Variants in DENND2C observed in about 807,000 individuals in gnomAD.
DENND2C encodes DENN domain-containing protein 2C.
DENND2C carries 72 observed loss-of-function variants against 112.4 expected under a neutral mutation model. That is an observed-to-expected ratio of 0.64 (90% CI 0.53 to 0.78). The LOEUF (loss-of-function observed/expected upper bound fraction) is 0.78, where lower values mean the gene tolerates loss of function less well. Ranked by LOEUF, DENND2C falls within the 30% of genes least tolerant of loss-of-function variation. The pLI is 0.00. For missense variants in DENND2C, 992 were observed against 1,113.8 expected (o/e 0.89, Z 1.56); for synonymous variants, 329 against 381.6 (o/e 0.86, Z 1.61).
chr1:114,624,988 T>C (rs1656289698), intron 4 of DENND2C, among the ~76,000 whole-genome samples, 191 bp downstream of exon 4: 1 of 152,226 alleles, frequency 6.6e-6, no homozygotes, highest in Non-Finnish European at 1.5e-5. Flanking sequence ...GTCAACAGAT[T>C]ATCTTAGCTA....
intron 5 of DENND2C, 64 bp from the exon 6 acceptor site, chr1:114,623,163 G>A: frequency 1.4e-6 from 2 of 1,457,234 alleles, no homozygotes; most frequent in African/African-American, 2.9e-5. Context: ...AACCACAGCT[G>A]GCAAAAGAAA....
At chr1:114,652,681 T>C (rs1439055101) in intron 2 of DENND2C, among the ~76,000 whole-genome samples, 6 of 129,712 alleles carry the variant, frequency 4.6e-5, no homozygotes, top group Non-Finnish European at 1.0e-4. Context: ...TTTTTTTTTT[T>C]TTTTTTAAAG....
chr1:114,662,706 C>A (rs930034013), intron 1 of DENND2C, among the ~76,000 whole-genome samples: 4 of 152,128 alleles, frequency 2.6e-5, no homozygotes, highest in Admixed American at 6.5e-5. Context: ...CTTCGTACCC[C>A]CAGCGCTTTG....
In DENND2C at chr1:114,584,007, C is replaced by G. The variant is rs1256838422; in HGVS notation, c.*1593G>C. The G allele has an allele frequency of 6.6e-6, 1 of 152,060 alleles. No homozygotes were observed. Among genetic ancestry groups the G allele is most frequent in the Admixed American group, 6.6e-5 (1 of 15,254 alleles). 9.4% of individuals were successfully genotyped at this position (152,060 alleles called of 1,614,324 possible). A position where few individuals can be genotyped will look rare whatever the true frequency, so the allele number is the denominator to read the frequency against. On this transcript the variant is annotated 3_prime_UTR_variant, in exon 21 of 21. Transcript: ENST00000393274. Reference sequence around the variant, plus strand: ...TCTAATTTAATTAGAGCAAAAATTTCAACATTTCTAGGGGAATAAAAAGAG... The same window carrying G: ...TCTAATTTAATTAGAGCAAAAATTTGAACATTTCTAGGGGAATAAAAAGAG...
In DENND2C at chr1:114,608,710, C is replaced by T. The variant is rs954602473; in HGVS notation, c.1533G>A (p.Gln511=). 69 of 1,613,882 alleles carry T rather than the reference C, an allele frequency of 4.3e-5. No individual in the cohort carries two copies. Among genetic ancestry groups the T allele is most frequent in the Non-Finnish European group, 5.3e-5 (63 of 1,179,982 alleles). The change falls in exon 10 of 21, where the codon CAG becomes CAA. Residue 511 remains glutamine (Q), a synonymous_variant. Coordinates refer to ENST00000393274, the MANE Select transcript of DENND2C (RefSeq NM_001256404.2). ...CCTTGCCAGGGAATTGTTGTATGAC[C>T]TGGGGAATATAGCTTATTCCTGATG... is the stretch of plus-strand genomic sequence containing the variant. ...KKPSGISYIP[Q]VIQQFPGKDD...
At chr1:114,654,073 T>C (rs997087565) in intron 2 of DENND2C, among the ~76,000 whole-genome samples, 2 of 152,200 alleles carry the variant, frequency 1.3e-5, no homozygotes, top group African/African-American at 2.4e-5. Flanking sequence ...AAGCTAACAA[T>C]GATTATCTCT....
chr1:114,625,489 A>C lies in DENND2C; in HGVS notation c.496T>G (p.Leu166Val). The C allele has an allele frequency of 3.7e-6, 6 of 1,614,114 alleles. No homozygotes were observed. Among genetic ancestry groups the C allele is most frequent in the Non-Finnish European group, 5.1e-6 (6 of 1,180,006 alleles). ...LPPDKLLNLALEHCDSSEKEL... is the reference protein window; with the variant it reads ...LPPDKLLNLAVEHCDSSEKEL... ...TTTTCTGAAGAGTCACAATGTTCTA[A>C]AGCCAAATTTAAGAGTTTATCTGGG... Residue 166 changes from leucine (L) to valine (V), a missense_variant, in exon 4 of 21, where the codon TTA (leucine) becomes GTA (valine). Physicochemically the swap from Leu to Val is conservative, Grantham distance 32. Transcript: ENST00000393274.
intron 1 of DENND2C, among the ~76,000 whole-genome samples, chr1:114,657,751 C>T (rs141711272): frequency 2.6e-5 from 4 of 152,166 alleles, no homozygotes; most frequent in South Asian, 2.1e-4. Flanking sequence ...TCCAAATAGA[C>T]GAATAGACAA....
intron 18 of DENND2C, among the ~76,000 whole-genome samples, chr1:114,588,753 TAAAG>T (rs1313478818): frequency 6.6e-6 from 1 of 152,180 alleles, no homozygotes; most frequent in Non-Finnish European, 1.5e-5. Context: ...TTTTTTTAAA[TAAAG>T]ATTTTTTTTC....
At chr1:114,661,190 G>C (rs564103414) in intron 1 of DENND2C, among the ~76,000 whole-genome samples, 1 of 150,962 alleles carries the variant, frequency 6.6e-6, no homozygotes, top group Admixed American at 6.6e-5. Flanking sequence ...CAATATCAGC[G>C]ACCCCATCGA....
intron 18 of DENND2C, among the ~76,000 whole-genome samples, chr1:114,590,686 G>A (rs746816268): frequency 1.3e-5 from 2 of 150,304 alleles, no homozygotes; most frequent in African/African-American, 4.9e-5. Flanking sequence ...GCTGAGGCAG[G>A]AGAATGGTGT....
intron 9 of DENND2C, among the ~76,000 whole-genome samples, chr1:114,609,333 G>A (rs1364100824): frequency 6.6e-6 from 1 of 152,172 alleles, no homozygotes; most frequent in Non-Finnish European, 1.5e-5. Flanking sequence ...GTACAGAAAG[G>A]GGGAGTTTGA....
chr1:114,618,137 C>T (rs1448035671), intron 8 of DENND2C, among the ~76,000 whole-genome samples: 9 of 151,944 alleles, frequency 5.9e-5, no homozygotes, highest in South Asian at 4.2e-4. Context: ...TACAGGCGCC[C>T]GCCACCACGC....
At chr1:114,633,468 AG>A (rs1656554363) in intron 3 of DENND2C, among the ~76,000 whole-genome samples, 11 of 149,194 alleles carry the variant, frequency 7.4e-5, no homozygotes, top group African/African-American at 2.7e-4. Flanking sequence ...AAAAAGAAAA[AG>A]AAGGAAGGAA....
At chr1:114,666,298 TCAGC>T (rs540952881) in intron 1 of DENND2C, among the ~76,000 whole-genome samples, 195 of 152,262 alleles carry the variant, frequency 1.3e-3, no homozygotes, top group Non-Finnish European at 2.1e-3. Flanking sequence ...TTCATCCAAT[TCAGC>T]CTCCAAACCA....
In DENND2C at chr1:114,587,969, A is replaced by T. The variant is rs777114249; in HGVS notation, c.2432-17T>A. On this transcript the variant is annotated splice_polypyrimidine_tract_variant and intron_variant, in intron 18 of 20. Transcript: ENST00000393274. ...GTGTCACATCTGCTGCAACATGAAA[A>T]AGAAAAAAAGAAAAAAATCTCCTCA... The T allele has an allele frequency of 2.9e-5, 46 of 1,600,948 alleles. No individual in the cohort carries two copies. In the South Asian group the frequency reaches 4.6e-4, roughly 16 times the overall value.
At chr1:114,631,768 C>T (rs1019019712) in intron 3 of DENND2C, among the ~76,000 whole-genome samples, 1 of 151,632 alleles carries the variant, frequency 6.6e-6, no homozygotes, top group African/African-American at 2.4e-5. Context: ...GGCAACAGAG[C>T]GAGACTCTGT....
Position 114,625,481 on chromosome 1 carries a change from A to G in DENND2C, c.504T>C (p.His168=), listed in dbSNP as rs1656310947. Residue 168 remains histidine (H), a synonymous_variant, in exon 4 of 21, where the codon CAT becomes CAC. Coordinates refer to ENST00000393274, the MANE Select transcript of DENND2C (RefSeq NM_001256404.2). ...TCAGTTCTTTTTCTGAAGAGTCACA[A>G]TGTTCTAAAGCCAAATTTAAGAGTT... ...PDKLLNLALE[H]CDSSEKELNF... The G allele has an allele frequency of 2.5e-6, 4 of 1,614,004 alleles. No individual in the cohort carries two copies. The highest frequency in any genetic ancestry group is 1.7e-5 in the Admixed American group (1 of 60,002).
Position 114,600,285 on chromosome 1 carries a change from C to T in DENND2C, c.2024G>A (p.Cys675Tyr). ...EHVDFKCLFKCLSVCHLIRVC... is the reference protein window; with the variant it reads ...EHVDFKCLFKYLSVCHLIRVC... ...CCGGATGAGATGACACACACTCAGG[C>T]ACTTAAAGAGACATTTAAAATCAAC... is the stretch of plus-strand genomic sequence containing the variant. The change falls in exon 15 of 21, where the codon TGC (cysteine) becomes TAC (tyrosine). Residue 675 changes from cysteine (C) to tyrosine (Y), a missense_variant. By Grantham distance (194) the Cys-to-Tyr change is radical. This residue lies in a region of DENND2C where 516 missense variants were observed against 623.6 expected (regional missense o/e 0.83). Coordinates refer to ENST00000393274, the MANE Select transcript of DENND2C (RefSeq NM_001256404.2). The T allele has an allele frequency of 6.2e-7, 1 of 1,614,098 alleles. No individual in the cohort carries two copies. Among genetic ancestry groups the T allele is most frequent in the Non-Finnish European group, 8.5e-7 (1 of 1,179,992 alleles).
Sources: allele counts gnomAD v4.1 joint callset (sites outside exome capture counted in the v4.1 genomes callset), GRCh38; gene constraint gnomAD v4.1.1; regional missense constraint gnomAD v4.1.1; transcripts MANE v1.5; gene names NCBI Gene and HGNC (gene_info 2026-07-23, HGNC 2026-07-21).